TRAF2: variants seen among roughly 807,000 people sequenced by gnomAD.
TRAF2 encodes TNF receptor associated factor 2, also known as TNF receptor-associated factor 2.
A neutral mutation model predicts 55.6 loss-of-function variants in TRAF2; 6 were observed. The observed-to-expected ratio is 0.11, with a 90% CI of 0.06 to 0.21. The LOEUF (loss-of-function observed/expected upper bound fraction) is 0.21, where lower values mean the gene tolerates loss of function less well. Among genes scored for constraint, TRAF2 ranks in the 10% least tolerant of loss-of-function variants. The pLI, the probability that TRAF2 is intolerant of heterozygous loss-of-function variation, is 1.00. For missense variants in TRAF2, 561 were observed against 684.5 expected (o/e 0.82, Z 2.01); for synonymous variants, 329 against 276.3 (o/e 1.19, Z -1.89).
chr9:136,909,045 AAAAAAAG>A (rs1056871768), intron 5 of TRAF2, among the ~76,000 whole-genome samples: 10 of 151,946 alleles, frequency 6.6e-5, no homozygotes, highest in African/African-American at 2.4e-4. Context: ...CTCAAAAAAA[AAAAAAAG>A]AAAAAAAATT....
chr9:136,908,651 G>A (rs538624039), intron 5 of TRAF2, among the ~76,000 whole-genome samples: 8 of 152,264 alleles, frequency 5.3e-5, no homozygotes, highest in African/African-American at 1.9e-4. Flanking sequence ...CAGATCACGA[G>A]GTCAGGAGCT....
rs1204628878 is a variant in TRAF2, at chr9:136,926,106, G to A, written c.*205G>A. 1 of 770,964 alleles carries A rather than the reference G, an allele frequency of 1.3e-6. No individual in the cohort carries two copies. Among genetic ancestry groups the A allele is most frequent in the Non-Finnish European group, 2.3e-6 (1 of 433,078 alleles). 47.8% of individuals were successfully genotyped at this position (770,964 alleles called of 1,614,324 possible). A position where few individuals can be genotyped will look rare whatever the true frequency, so the allele number is the denominator to read the frequency against. On this transcript the variant is annotated 3_prime_UTR_variant, in exon 11 of 11. Coordinates refer to ENST00000247668, the MANE Select transcript of TRAF2 (RefSeq NM_021138.4). ...CTCAGATTTCAGAGACTGCGGAGGG[G>A]CTTGGCAGACGGTCTTAGCCAAGGG...
intron 5 of TRAF2, 123 bp downstream of exon 5, chr9:136,908,354 C>T: frequency 7.2e-6 from 8 of 1,104,944 alleles, no homozygotes; most frequent in South Asian, 6.7e-5. Context: ...TCGGCCCTTT[C>T]CCTGGAGACA....
intron 6 of TRAF2, among the ~76,000 whole-genome samples, chr9:136,915,370 T>C: frequency 6.6e-6 from 1 of 151,468 alleles, no homozygotes; most frequent in Non-Finnish European, 1.5e-5. Context: ...CAGCACAGTG[T>C]GGTGTGAAGG....
chr9:136,896,575 T>G (rs550488014), intron 1 of TRAF2, among the ~76,000 whole-genome samples: 1 of 152,288 alleles, frequency 6.6e-6, no homozygotes, highest in South Asian at 2.1e-4. Context: ...GCTAGAAGCT[T>G]TGAAGTCTTT....
chr9:136,886,503 T>G (rs1849449922), upstream of TRAF2: 1 of 998,590 alleles, frequency 1.0e-6, no homozygotes, highest in Admixed American at 6.1e-5. Flanking sequence ...GGGCGGTAGC[T>G]GGGCGGGCCC....
intron 6 of TRAF2, among the ~76,000 whole-genome samples, chr9:136,910,626 C>G (rs1269226564): frequency 6.6e-6 from 1 of 152,214 alleles, no homozygotes; most frequent in Non-Finnish European, 1.5e-5. Context: ...GAAGGGGCAC[C>G]TGCTCTGTGT....
rs956492484 is a variant in TRAF2 at position 136,908,133 on chromosome 9, C to T, written c.430C>T (p.Arg144Cys). 2.0e-5 allele frequency: 32 copies of T among 1,605,526 alleles called. No homozygotes were observed. The highest frequency in any genetic ancestry group is 1.1e-4 in the South Asian group (10 of 91,090). The change falls in exon 5 of 11, where the codon CGC (arginine) becomes TGC (cysteine). Residue 144 changes from arginine (R) to cysteine (C), a missense_variant. This residue lies in a region of TRAF2 where 426 missense variants were observed against 476.8 expected (regional missense o/e 0.89). Coordinates refer to ENST00000247668, the MANE Select transcript of TRAF2 (RefSeq NM_021138.4). ...ATGTCCCGCGTGCAAAGGCCTGGTC[C>T]GCCTTGGTGAAAAGGAGCGCCACCT... The part of the protein sequence containing the change: ...TECPACKGLV[R>C]LGEKERHLEH...
chr9:136,909,037 CAA>C (rs10597975), intron 5 of TRAF2, among the ~76,000 whole-genome samples: 7,875 of 147,160 alleles, frequency 0.054, 219 homozygotes, highest in East Asian at 0.065. Context: ...GACTCTGTCT[CAA>C]AAAAAAAAAA....
At chr9:136,918,358 C>T (rs1171884957) in intron 7 of TRAF2, among the ~76,000 whole-genome samples, 1 of 151,250 alleles carries the variant, frequency 6.6e-6, no homozygotes, top group Non-Finnish European at 1.5e-5. Context: ...CAACCTCTGC[C>T]TCCCGGGTTC....
intron 1 of TRAF2, among the ~76,000 whole-genome samples, chr9:136,897,058 C>A (rs1182452069): frequency 3.3e-5 from 5 of 152,184 alleles, no homozygotes; most frequent in African/African-American, 1.2e-4. Flanking sequence ...TGACCAGGCC[C>A]CTTCCTGAGG....
rs1199725351 is a variant in TRAF2 at position 136,886,520 on chromosome 9, C to T, written c.-50C>T. Reference sequence around the variant, plus strand: ...GCGGTAGCTGGGCGGGCCCTTAGTTCCGGGCGCGCTGCGACCGTTGGGTGA... The same window carrying T: ...GCGGTAGCTGGGCGGGCCCTTAGTTTCGGGCGCGCTGCGACCGTTGGGTGA... On this transcript the variant is annotated 5_prime_UTR_variant, in exon 1 of 11. Transcript: ENST00000247668. 1.1e-5 allele frequency: 11 copies of T among 990,972 alleles called. No homozygotes were observed. Among genetic ancestry groups the T allele is most frequent in the Admixed American group, 1.2e-4 (2 of 16,236 alleles). 61.4% of individuals were successfully genotyped at this position (990,972 alleles called of 1,614,324 possible). A position where few individuals can be genotyped will look rare whatever the true frequency, so the allele number is the denominator to read the frequency against.
chr9:136,921,854 C>T (rs1850394594), intron 9 of TRAF2, among the ~76,000 whole-genome samples: 1 of 152,220 alleles, frequency 6.6e-6, no homozygotes, highest in Admixed American at 6.5e-5. Flanking sequence ...GAGGCGGCCC[C>T]CCTGCTGTCC....
chr9:136,883,880 G>C (rs990481399), upstream of TRAF2, among the ~76,000 whole-genome samples: 1 of 149,180 alleles, frequency 6.7e-6, no homozygotes, highest in Non-Finnish European at 1.5e-5. Context: ...GGAGTGTAGT[G>C]GCGCAATCTC....
chr9:136,893,773 G>A (rs746367059), intron 1 of TRAF2, among the ~76,000 whole-genome samples: 4 of 151,976 alleles, frequency 2.6e-5, no homozygotes, highest in African/African-American at 4.8e-5. Context: ...TTTTCGAGAC[G>A]GAGTCTCACT....
rs1393153929 is a variant in TRAF2, at chr9:136,921,186, C to G, written c.1109C>G (p.Ala370Gly). 4.3e-6 allele frequency: 7 copies of G among 1,613,784 alleles called. No homozygotes were observed. The highest frequency in any genetic ancestry group is 5.1e-6 in the Non-Finnish European group (6 of 1,180,046). ...DFARKRQEAV[A>G]GRIPAIFSPA... ...GCCAGGAAGCGCCAGGAAGCTGTGG[C>G]TGGCCGCATACCCGCCATCTTCTCC... The change falls in exon 9 of 11, where the codon GCT (alanine) becomes GGT (glycine). Residue 370 changes from alanine to glycine, a missense_variant. Physicochemically the swap from Ala to Gly is moderately conservative, Grantham distance 60. Coordinates refer to ENST00000247668, the MANE Select transcript of TRAF2 (RefSeq NM_021138.4).
intron 6 of TRAF2, 121 bp from the exon 7 acceptor site, chr9:136,916,420 A>ACACT: frequency 1.1e-6 from 1 of 925,282 alleles, no homozygotes; most frequent in East Asian, 2.5e-5. Context: ...ATTCAGTGTG[A>ACACT]GAGTGAAGAG....
intron 7 of TRAF2, among the ~76,000 whole-genome samples, chr9:136,919,091 G>C (rs181971421): frequency 2.2e-5 from 1 of 45,522 alleles, no homozygotes; most frequent in East Asian, 8.0e-4. Flanking sequence ...ACAGAGTCTC[G>C]CTCTGTTGGC....
chr9:136,895,236 C>T (rs1368179169), intron 1 of TRAF2, among the ~76,000 whole-genome samples: 1 of 152,220 alleles, frequency 6.6e-6, no homozygotes, highest in African/African-American at 2.4e-5. Flanking sequence ...GTCGGGCACA[C>T]AGTGGTGCTT....
Sources: gnomAD v4.1 joint callset for allele counts (sites outside exome capture counted in the v4.1 genomes callset) on GRCh38, gnomAD v4.1.1 for gene constraint, gnomAD v4.1.1 regional missense constraint, MANE v1.5 for transcripts, NCBI Gene and HGNC (gene_info 2026-07-23, HGNC 2026-07-21) for gene names.